RARS1: variants seen among roughly 807,000 people sequenced by gnomAD.
RARS1 encodes arginyl-tRNA synthetase 1.
In RARS1, 75 loss-of-function variants were observed where a neutral mutation model predicts 78.7. The observed-to-expected ratio is 0.95, with a 90% CI of 0.79 to 1.15. The LOEUF (loss-of-function observed/expected upper bound fraction) is 1.15, where lower values mean the gene tolerates loss of function less well. Among genes scored for constraint, RARS1 ranks in the 50% most tolerant of loss-of-function variants. The pLI, the probability that RARS1 is intolerant of heterozygous loss-of-function variation, is 0.00. For missense variants in RARS1, 787 were observed against 787.5 expected (o/e 1.00, Z 0.01); for synonymous variants, 273 against 268.2 (o/e 1.02, Z -0.18).
intron 12 of RARS1, among the ~76,000 whole-genome samples, chr5:168,514,063 C>G (rs1400756116): frequency 1.3e-5 from 2 of 152,138 alleles, no homozygotes; most frequent in Non-Finnish European, 2.9e-5. Flanking sequence ...ACCATAGTTT[C>G]CTTTGAAAAT....
chr5:168,512,333 A>T (rs573096609), intron 12 of RARS1, among the ~76,000 whole-genome samples: 1 of 152,136 alleles, frequency 6.6e-6, no homozygotes, highest in Non-Finnish European at 1.5e-5. Flanking sequence ...TTTCTTTCGG[A>T]TATATATCTA....
chr5:168,501,933 A>T, intron 8 of RARS1, 68 bp from the exon 9 acceptor site: 3 of 1,541,500 alleles, frequency 1.9e-6, no homozygotes, highest in South Asian at 1.3e-5. Flanking sequence ...TCAATGTAAG[A>T]TGCATGTTTC....
chr5:168,512,971 T>A (rs555892061), intron 12 of RARS1, among the ~76,000 whole-genome samples: 1 of 152,336 alleles, frequency 6.6e-6, no homozygotes, highest in Admixed American at 6.5e-5. Flanking sequence ...TGACTTATTG[T>A]GGTTAAAATT....
intron 11 of RARS1, among the ~76,000 whole-genome samples, chr5:168,509,127 A>G (rs192183107): frequency 1.3e-5 from 2 of 152,314 alleles, no homozygotes; most frequent in East Asian, 1.9e-4. Context: ...CAGTAATTGC[A>G]AAGTAGATTA....
In RARS1 at chr5:168,495,402, C is replaced by G; in HGVS notation, c.667C>G (p.Arg223Gly). ...RSTIIGESIS[R>G]LFEFAGYDVL... is the part of the protein sequence containing the mutation. ...AACTATCATAGGAGAGAGTATAAGC[C>G]GCCTCTTTGAATTTGCAGGGTATGA... Residue 223 changes from arginine to glycine, a missense_variant, in exon 6 of 15, where the codon CGC becomes GGC. Arg to Gly is a moderately radical substitution (Grantham distance 125). Transcript: ENST00000231572. The G allele has an allele frequency of 6.2e-7, 1 of 1,613,824 alleles. No homozygotes were observed. Among genetic ancestry groups the G allele is most frequent in the Non-Finnish European group, 8.5e-7 (1 of 1,179,888 alleles).
chr5:168,501,434 A>G (rs975186124), intron 8 of RARS1, among the ~76,000 whole-genome samples: 1 of 152,188 alleles, frequency 6.6e-6, no homozygotes, highest in Non-Finnish European at 1.5e-5. Flanking sequence ...AATTTTTTTA[A>G]AAGTTATACA....
intron 7 of RARS1, among the ~76,000 whole-genome samples, chr5:168,499,516 G>A (rs1758273542): frequency 6.6e-6 from 1 of 152,018 alleles, no homozygotes. Flanking sequence ...TGGGGATTTT[G>A]TTTTTGTTTG....
At chr5:168,505,019 A>T (rs1246591311) in intron 9 of RARS1, among the ~76,000 whole-genome samples, 1 of 152,070 alleles carries the variant, frequency 6.6e-6, no homozygotes, top group East Asian at 1.9e-4. Flanking sequence ...GCAATTTTTT[A>T]AATGTTTATT....
intron 2 of RARS1, among the ~76,000 whole-genome samples, chr5:168,489,622 TG>T (rs1161608795): frequency 1.3e-5 from 2 of 152,152 alleles, no homozygotes; most frequent in Non-Finnish European, 2.9e-5. Flanking sequence ...TGCAGTTTTT[TG>T]GCCTGCCTTT....
chr5:168,507,695 A>G (rs115948568), intron 11 of RARS1, among the ~76,000 whole-genome samples: 94 of 152,288 alleles, frequency 6.2e-4, no homozygotes, highest in Non-Finnish European at 1.1e-3. Context: ...TGGGAACAAC[A>G]TTTTCTAATT....
intron 2 of RARS1, 57 bp downstream of exon 2, chr5:168,488,793 A>G: frequency 6.7e-7 from 1 of 1,503,150 alleles, no homozygotes; most frequent in East Asian, 2.3e-5. Context: ...AGCTTTTTTA[A>G]AGCCTTTGTT....
intron 9 of RARS1, among the ~76,000 whole-genome samples, chr5:168,503,114 G>A (rs937411766): frequency 6.6e-6 from 1 of 152,156 alleles, no homozygotes; most frequent in Admixed American, 6.5e-5. Flanking sequence ...CAGGCAATGA[G>A]GCAGTGTCTG....
chr5:168,502,379 T>A (rs1758345628), intron 9 of RARS1, among the ~76,000 whole-genome samples: 1 of 90,938 alleles, frequency 1.1e-5, no homozygotes, highest in Admixed American at 1.0e-4. Context: ...TATATATATA[T>A]ATATATTTTT....
intron 3 of RARS1, among the ~76,000 whole-genome samples, chr5:168,493,670 G>C (rs1758128823): frequency 6.7e-6 from 1 of 148,870 alleles, no homozygotes; most frequent in Admixed American, 6.7e-5. Flanking sequence ...CCAGGTATTT[G>C]TGTGTAACGT....
intron 8 of RARS1, 147 bp downstream of exon 8, chr5:168,500,867 C>A (rs962523668): frequency 8.5e-6 from 9 of 1,062,396 alleles, no homozygotes; most frequent in South Asian, 2.0e-5. Context: ...CTGAAACAAC[C>A]AATAAATTTT....
chr5:168,488,123 T>G, intron 1 of RARS1: 2 of 367,800 alleles, frequency 5.4e-6, no homozygotes, highest in South Asian at 4.2e-5. Flanking sequence ...GTTAATATAT[T>G]CTTTTTCTTT....
At position 168,497,230 on chromosome 5, in the gene RARS1, TA is replaced by T; in HGVS notation, c.707del (p.Asn236IlefsTer3). 1 of 1,535,724 alleles carries T rather than the reference TA, an allele frequency of 6.5e-7. No homozygotes were observed. The highest frequency in any genetic ancestry group is 8.8e-7 in the Non-Finnish European group (1 of 1,140,824). ...ATATATTCTCTGATTGGTGTTAGGT[TA>T]AATCATGTAGGAGACTGGGGGACCC... ...FEFAGYDVLR[L>X]NHVGDWGTQF... On this transcript the variant is annotated frameshift_variant, in exon 7 of 15. Coordinates refer to ENST00000231572, the MANE Select transcript of RARS1 (RefSeq NM_002887.4). LOFTEE classifies it high-confidence loss of function.
At chr5:168,514,635 T>C (rs1027548888) in intron 12 of RARS1, among the ~76,000 whole-genome samples, 1 of 152,206 alleles carries the variant, frequency 6.6e-6, no homozygotes, top group African/African-American at 2.4e-5. Context: ...GATACTAATA[T>C]CTTTCATAGC....
chr5:168,494,099 T>C (rs575428034), intron 4 of RARS1, 97 bp downstream of exon 4: 12 of 1,322,858 alleles, frequency 9.1e-6, no homozygotes, highest in Non-Finnish European at 6.2e-6. Flanking sequence ...GGTTAAACTT[T>C]GTATACTGAA....
Sources: gnomAD v4.1 joint callset for allele counts (sites outside exome capture counted in the v4.1 genomes callset) on GRCh38, gnomAD v4.1.1 for gene constraint, MANE v1.5 for transcripts, NCBI Gene and HGNC (gene_info 2026-07-23, HGNC 2026-07-21) for gene names.